Variants in IMMP2L observed in about 807,000 individuals in gnomAD.
The protein encoded by IMMP2L is mitochondrial inner membrane protease subunit 2.
A neutral mutation model predicts 19.3 loss-of-function variants in IMMP2L; 18 were observed. The observed-to-expected ratio is 0.93, with a 90% CI of 0.64 to 1.38. The LOEUF (loss-of-function observed/expected upper bound fraction) is 1.38. IMMP2L is among the 40% of genes most tolerant of loss of function. The probability of loss-of-function intolerance (pLI) is 0.00; values close to 1 mark genes in which losing one functional copy is unlikely to be tolerated. For missense variants in IMMP2L, 233 were observed against 218.2 expected (o/e 1.07, Z -0.43); for synonymous variants, 76 against 73.0 (o/e 1.04, Z -0.21).
In IMMP2L at chr7:110,870,526, T is replaced by C. The variant is rs1360900768; in HGVS notation, c.408+16067A>G. Among the ~76,000 whole-genome samples, 1 of 152,046 alleles carries C rather than the reference T, an allele frequency of 6.6e-6. No individual in the cohort carries two copies. Among genetic ancestry groups the C allele is most frequent in the African/African-American group, 2.4e-5 (1 of 41,410 alleles). ...ATAAAGAAATAAAACAAGATAGTCA[T>C]AGTAGCTAGAAGCAGGTGTGTGTGA... On this transcript the variant is annotated intron_variant, in intron 5 of 5. Coordinates refer to ENST00000405709, the MANE Select transcript of IMMP2L (RefSeq NM_032549.4). The surrounding 1 kb of genome is among the most constrained non-coding windows in gnomAD (Gnocchi z 4.2).
intron 3 of IMMP2L, among the ~76,000 whole-genome samples, chr7:111,239,302 G>A (rs1257157625): frequency 2.0e-5 from 3 of 151,860 alleles, no homozygotes; most frequent in South Asian, 2.1e-4. Context: ...TTATGATCAA[G>A]CCTCAAAAGC....
intron 3 of IMMP2L, among the ~76,000 whole-genome samples, chr7:111,170,036 T>C (rs1043122980): frequency 6.6e-6 from 1 of 151,944 alleles, no homozygotes; most frequent in African/African-American, 2.4e-5. Flanking sequence ...TCTATATTGC[T>C]GATGAAATAC....
chr7:111,214,328 C>CTT (rs1484229556), intron 3 of IMMP2L, among the ~76,000 whole-genome samples: 2,203 of 84,984 alleles, frequency 0.026, 461 homozygotes, highest in Non-Finnish European at 0.033. Context: ...AGTAATTTTT[C>CTT]TTCTTTTTTT....
intron 3 of IMMP2L, among the ~76,000 whole-genome samples, chr7:111,361,834 C>A (rs571080818): frequency 6.6e-6 from 1 of 152,116 alleles, no homozygotes; most frequent in Non-Finnish European, 1.5e-5. Context: ...TATCTCAATT[C>A]TTTTTCTCAT....
At chr7:111,267,551 C>A (rs987314997) in intron 3 of IMMP2L, among the ~76,000 whole-genome samples, 1 of 152,082 alleles carries the variant, frequency 6.6e-6, no homozygotes, top group Admixed American at 6.6e-5. Flanking sequence ...TGACTCCATG[C>A]CCTAAGAGGC....
intron 4 of IMMP2L, among the ~76,000 whole-genome samples, chr7:110,958,797 A>G (rs1174266560): frequency 1.3e-5 from 2 of 152,020 alleles, no homozygotes; most frequent in African/African-American, 2.4e-5. Flanking sequence ...CTCTCAGGTA[A>G]TTCAGACATG....
chr7:111,431,181 A>G (rs527274476), intron 3 of IMMP2L, among the ~76,000 whole-genome samples: 1 of 151,888 alleles, frequency 6.6e-6, no homozygotes, highest in South Asian at 2.1e-4. Flanking sequence ...TAGGTATCAT[A>G]CTTGCAGTAC....
At chr7:111,193,068 T>C (rs1422420049) in intron 3 of IMMP2L, among the ~76,000 whole-genome samples, 1 of 151,992 alleles carries the variant, frequency 6.6e-6, no homozygotes, top group East Asian at 1.9e-4. Flanking sequence ...ATGGAGATAT[T>C]GAGTAAAAGC....
In IMMP2L at chr7:110,962,845, C is replaced by T. The variant is rs188229469; in HGVS notation, c.305+655G>A. ...TGTAGTAGTCAAAGCATTTTGGCTA[C>T]CACATTGTATAGGCCTGGCTACAAC... is the stretch of plus-strand genomic sequence containing the variant. On this transcript the variant is annotated intron_variant, in intron 4 of 5. Transcript: ENST00000405709. The T allele has an allele frequency of 1.4e-4, 177 of 1,243,568 alleles. 1 individual carries two copies. In the East Asian group the frequency reaches 5.5e-3, roughly 39 times the overall value. The allele number at this position is 1,243,568 out of a possible 1,614,324, so 77.0% of individuals were successfully genotyped here. A position where few individuals can be genotyped will look rare whatever the true frequency, so the allele number is the denominator to read the frequency against.
At chr7:110,765,688 A>G (rs2130992848) in intron 5 of IMMP2L, among the ~76,000 whole-genome samples, 1 of 152,292 alleles carries the variant, frequency 6.6e-6, no homozygotes, top group Middle Eastern at 3.4e-3. Context: ...ACATCTAAAC[A>G]TTGTGCAGTG....
chr7:110,799,777 T>G (rs145462934), intron 5 of IMMP2L, among the ~76,000 whole-genome samples: 131 of 152,186 alleles, frequency 8.6e-4, no homozygotes, highest in African/African-American at 2.9e-3. Flanking sequence ...GCCAAGCAGA[T>G]GGGTGATTCA....
In IMMP2L at chr7:111,303,357, G is replaced by A. The variant is rs547021037; in HGVS notation, c.239+183881C>T. Among the ~76,000 whole-genome samples the A allele has an allele frequency of 3.3e-5, 5 of 152,182 alleles. No individual in the cohort carries two copies. The East Asian group carries it at 9.7e-4, about 29-fold the overall frequency. On this transcript the variant is annotated intron_variant, in intron 3 of 5. Coordinates refer to ENST00000405709, the MANE Select transcript of IMMP2L (RefSeq NM_032549.4). Reference sequence around the variant, plus strand: ...AAAATCACACAGACATCAGAACAATGAATCTCTGGCTGAATAAATTTAAAA... The same window carrying A: ...AAAATCACACAGACATCAGAACAATAAATCTCTGGCTGAATAAATTTAAAA...
At chr7:110,963,592 A>G in intron 3 of IMMP2L, 27 bp from the exon 4 acceptor site, 1 of 1,365,360 alleles carries the variant, frequency 7.3e-7, no homozygotes, top group Non-Finnish European at 1.0e-6. Flanking sequence ...ACATTATACA[A>G]TCAGTTATGT....
intron 1 of IMMP2L, among the ~76,000 whole-genome samples, chr7:111,561,161 C>T (rs1313826380): frequency 6.6e-6 from 1 of 152,120 alleles, no homozygotes; most frequent in Non-Finnish European, 1.5e-5. Context: ...ACAGAAGAAC[C>T]AATGAAATAG....
At chr7:111,014,307 A>G (rs1825271203) in intron 3 of IMMP2L, among the ~76,000 whole-genome samples, 2 of 152,070 alleles carry the variant, frequency 1.3e-5, no homozygotes, top group African/African-American at 4.8e-5. Context: ...GTGAGCCGAG[A>G]TTGCATCATT....
chr7:111,179,160 T>C (rs1022711625), intron 3 of IMMP2L, among the ~76,000 whole-genome samples: 1 of 152,030 alleles, frequency 6.6e-6, no homozygotes, highest in Non-Finnish European at 1.5e-5. Flanking sequence ...TCAGAGCTCT[T>C]AGATGACCAT....
At chr7:110,847,765 A>C (rs1805811629) in intron 5 of IMMP2L, among the ~76,000 whole-genome samples, 2 of 152,176 alleles carry the variant, frequency 1.3e-5, no homozygotes, top group South Asian at 4.1e-4. Flanking sequence ...GATATAGTCA[A>C]CTGATCTTTG....
intron 3 of IMMP2L, among the ~76,000 whole-genome samples, chr7:111,354,215 T>C (rs1366799929): frequency 6.6e-6 from 1 of 151,976 alleles, no homozygotes; most frequent in East Asian, 1.9e-4. Context: ...TAGTTAAAAA[T>C]ATGACCAAAT....
intron 1 of IMMP2L, among the ~76,000 whole-genome samples, chr7:111,553,987 T>C (rs910448940): frequency 1.3e-5 from 2 of 152,190 alleles, no homozygotes; most frequent in Non-Finnish European, 2.9e-5. Flanking sequence ...ATGATGGCCT[T>C]AGAGAAGTCT....
Sources: gnomAD v4.1 joint callset for allele counts (sites outside exome capture counted in the v4.1 genomes callset) on GRCh38, gnomAD v4.1.1 for gene constraint, Gnocchi (gnomAD v3.1) non-coding constraint, MANE v1.5 for transcripts, NCBI Gene and HGNC (gene_info 2026-07-23, HGNC 2026-07-21) for gene names.